The following UGT1A8 variants were observed in gnomAD, a reference collection of about 807,000 sequenced individuals.
UGT1A8 encodes the protein UDP-glucuronosyltransferase 1A8.
In UGT1A8, 39 loss-of-function variants were observed where a neutral mutation model predicts 45.3. The ratio of observed to expected loss-of-function variants is 0.86; its 90% CI spans 0.67 to 1.12. The LOEUF (loss-of-function observed/expected upper bound fraction) is 1.12, where lower values mean the gene tolerates loss of function less well. Ranked by LOEUF, UGT1A8 falls within the 50% of genes most tolerant of loss-of-function variation. The pLI, the probability that UGT1A8 is intolerant of heterozygous loss-of-function variation, is 0.00. For synonymous variants in UGT1A8, 275 were observed against 249.2 expected (o/e 1.10, Z -0.97); for missense variants, 719 against 664.9 (o/e 1.08, Z -0.90).
intron 1 of UGT1A8, chr2:233,671,880 A>G (rs985250046): frequency 2.0e-6 from 3 of 1,537,870 alleles, no homozygotes; most frequent in Admixed American, 2.1e-5. Context: ...TCTCCCACCT[A>G]CTGTATCATA....
chr2:233,694,007 C>T (rs1054591616), intron 1 of UGT1A8: 26 of 1,457,592 alleles, frequency 1.8e-5, no homozygotes, highest in African/African-American at 8.5e-5. Context: ...CTCGGAGCAG[C>T]GGGAACACAT....
intron 1 of UGT1A8, among the ~76,000 whole-genome samples, chr2:233,724,299 A>G (rs1357747984): frequency 8.9e-6 from 1 of 112,936 alleles, no homozygotes; most frequent in African/African-American, 3.5e-5. Flanking sequence ...TGACCCCCCC[A>G]CCTCCCTCCC....
At chr2:233,642,316 A>G (rs1213046039) in intron 1 of UGT1A8, among the ~76,000 whole-genome samples, 2 of 152,110 alleles carry the variant, frequency 1.3e-5, no homozygotes, top group African/African-American at 4.8e-5. Flanking sequence ...TGCATTCTTC[A>G]TTATGCCGAT....
intron 1 of UGT1A8, chr2:233,754,630 T>C (rs1285371125): frequency 2.2e-6 from 1 of 445,558 alleles, no homozygotes; most frequent in East Asian, 7.0e-5. Flanking sequence ...ACTTCCACCC[T>C]TTCTTGGCCA....
At chr2:233,690,438 C>G in intron 1 of UGT1A8, 1 of 1,277,180 alleles carries the variant, frequency 7.8e-7, no homozygotes, top group Admixed American at 2.3e-5. Context: ...CTTTGGGTCT[C>G]TCCTCTATTC....
chr2:233,648,043 C>T lies in UGT1A8; in HGVS notation c.855+29481C>T. The T allele has an allele frequency of 3.1e-6, 5 of 1,589,222 alleles. No individual in the cohort carries two copies. The South Asian group carries it at 5.8e-5, about 18-fold the overall frequency. On this transcript the variant is annotated intron_variant, in intron 1 of 4. Coordinates refer to ENST00000373450, the MANE Select transcript of UGT1A8 (RefSeq NM_019076.5). ...GGTGAGTTGGCAACTGGGAAGATCA[C>T]TGAATTGCACAGTGAAGACTTCTTC...
At chr2:233,677,785 T>A (rs956606386) in intron 1 of UGT1A8, among the ~76,000 whole-genome samples, 8 of 151,898 alleles carry the variant, frequency 5.3e-5, no homozygotes, top group Admixed American at 5.2e-4. Flanking sequence ...TGCAAAGAAC[T>A]TAAAACAGAA....
chr2:233,719,732 C>T (rs765294147), intron 1 of UGT1A8: 1 of 1,613,492 alleles, frequency 6.2e-7, no homozygotes, highest in South Asian at 1.1e-5. Flanking sequence ...AGGCAAAACA[C>T]TTTTTAAAAA....
intron 1 of UGT1A8, among the ~76,000 whole-genome samples, chr2:233,703,404 T>G (rs2075736913): frequency 6.6e-6 from 1 of 152,112 alleles, no homozygotes; most frequent in Non-Finnish European, 1.5e-5. Flanking sequence ...ACAATTTTGG[T>G]TTTGTTTATT....
chr2:233,730,518 T>A (rs1423750757), intron 1 of UGT1A8, among the ~76,000 whole-genome samples: 1 of 152,032 alleles, frequency 6.6e-6, no homozygotes, highest in South Asian at 2.1e-4. Context: ...TCAGTGGAAG[T>A]GGGGCAATGA....
At chr2:233,722,989 C>T (rs1375139966) in intron 1 of UGT1A8, among the ~76,000 whole-genome samples, 3 of 146,558 alleles carry the variant, frequency 2.0e-5, no homozygotes, top group South Asian at 2.4e-4. Flanking sequence ...GCTGTCTCAG[C>T]GTGGCAGAGG....
intron 1 of UGT1A8, among the ~76,000 whole-genome samples, chr2:233,717,159 C>A (rs961271798): frequency 3.3e-5 from 5 of 152,194 alleles, no homozygotes; most frequent in African/African-American, 1.2e-4. Context: ...AACATGGGAG[C>A]CCCTTGAATG....
intron 1 of UGT1A8, chr2:233,693,450 C>G (rs767791458): frequency 1.2e-6 from 2 of 1,614,122 alleles, no homozygotes; most frequent in Non-Finnish European, 1.7e-6. Flanking sequence ...GCTCTTTTCA[C>G]AGACCCAGCC....
rs551553193 is a variant in UGT1A8, at chr2:233,693,077, G to A, written c.856-73957G>A. On this transcript the variant is annotated intron_variant, in intron 1 of 4. Transcript: ENST00000373450. ...CTTCTTAGCACTTTGGGGCATGGTT[G>A]TAGGTGACAAGCTGCTGGTGGTCCC... The A allele has an allele frequency of 1.2e-5, 20 of 1,614,204 alleles. No homozygotes were observed. In the East Asian group the frequency reaches 4.2e-4, roughly 34 times the overall value.
intron 1 of UGT1A8, among the ~76,000 whole-genome samples, chr2:233,738,020 A>G (rs1165451282): frequency 6.6e-6 from 1 of 152,034 alleles, no homozygotes; most frequent in African/African-American, 2.4e-5. Context: ...TTGAATTGTA[A>G]TCCCCATAAT....
In UGT1A8 at chr2:233,632,623, C is replaced by G. The variant is rs188282595; in HGVS notation, c.855+14061C>G. Among the ~76,000 whole-genome samples the G allele has an allele frequency of 4.1e-3, 631 of 152,070 alleles. 4 individuals are homozygous for G. The highest frequency in any genetic ancestry group is 0.014 in the African/African-American group (596 of 41,506). On this transcript the variant is annotated intron_variant, in intron 1 of 4. Coordinates refer to ENST00000373450, the MANE Select transcript of UGT1A8 (RefSeq NM_019076.5). Reference sequence around the variant, plus strand: ...TTGTGAATGGGAGTTTACAATTTGGCTCTCTGTTTTTCCATTATTGGTGTA... The same window carrying G: ...TTGTGAATGGGAGTTTACAATTTGGGTCTCTGTTTTTCCATTATTGGTGTA...
Position 233,760,634 on chromosome 2 carries a change from T to TA in UGT1A8, c.856-6394dup, listed in dbSNP as rs748219743. On this transcript the variant is annotated intron_variant, in intron 1 of 4. Coordinates refer to ENST00000373450, the MANE Select transcript of UGT1A8 (RefSeq NM_019076.5). ...CGTGTGATCAAAACATACAAGAAAA[T>TA]AAAAAAGGACTCTGCTATGCTTTTG... 6.2e-6 allele frequency: 10 copies of TA among 1,614,070 alleles called. No homozygotes were observed. In the South Asian group the frequency reaches 8.8e-5, roughly 14 times the overall value.
intron 1 of UGT1A8, chr2:233,743,502 T>A: frequency 1.5e-6 from 2 of 1,367,112 alleles, no homozygotes; most frequent in Non-Finnish European, 2.0e-6. Context: ...AGAAAAGGGG[T>A]GCAGACGCTC....
intron 1 of UGT1A8, among the ~76,000 whole-genome samples, chr2:233,625,994 A>T (rs2073078526): frequency 6.6e-6 from 1 of 152,018 alleles, no homozygotes; most frequent in Non-Finnish European, 1.5e-5. Context: ...ATCATCTTCC[A>T]TTGAGTGGGC....
Sources: gnomAD v4.1 joint callset for allele counts (sites outside exome capture counted in the v4.1 genomes callset) on GRCh38, gnomAD v4.1.1 for gene constraint, MANE v1.5 for transcripts, NCBI Gene and HGNC (gene_info 2026-07-23, HGNC 2026-07-21) for gene names.